The following UBE3A variants were observed in gnomAD, a reference collection of about 807,000 sequenced individuals.
UBE3A encodes ubiquitin protein ligase E3A, also known as ubiquitin-protein ligase E3A.
A neutral mutation model predicts 83.4 loss-of-function variants in UBE3A; 6 were observed. The ratio of observed to expected loss-of-function variants is 0.07; its 90% CI spans 0.04 to 0.14. UBE3A has a LOEUF of 0.14. UBE3A is among the 10% of genes least tolerant of loss of function. The pLI is 1.00. For missense variants in UBE3A, 456 were observed against 1,036.1 expected, an observed-to-expected ratio of 0.44 and a Z score of 7.69; for synonymous variants, 337 against 355.4, an observed-to-expected ratio of 0.95 and a Z score of 0.58.
chr15:25,375,394 A>T, intron 5 of UBE3A, 71 bp downstream of exon 5: 1 of 1,533,802 alleles, frequency 6.5e-7, no homozygotes, highest in Non-Finnish European at 8.8e-7. Flanking sequence ...AAAACAAATA[A>T]AAACTAATAC....
intron 1 of UBE3A, among the ~76,000 whole-genome samples, chr15:25,417,661 A>G (rs1423066724): frequency 6.6e-6 from 1 of 152,030 alleles, no homozygotes; most frequent in South Asian, 2.1e-4. Context: ...ATTATTTAAC[A>G]AGGGAGGAGA....
chr15:25,375,727 G>A lies in UBE3A; in HGVS notation c.99C>T (p.Tyr33=), dbSNP rs1229899623. 8 of 1,613,540 alleles carry A rather than the reference G, an allele frequency of 5.0e-6. No homozygotes were observed. Among genetic ancestry groups the A allele is most frequent in the Non-Finnish European group, 6.8e-6 (8 of 1,180,034 alleles). The change falls in exon 5 of 13, where the codon TAC becomes TAT. Residue 33 remains tyrosine (Y), a synonymous_variant. Transcript: ENST00000648336. ...RAAAKHLIER[Y]YHQLTEGCGN... is the part of the protein sequence containing the mutation. ...CACAGCCCTCAGTTAACTGGTGGTA[G>A]TAGCGTTCTATTAGATGCTTTGCAG...
Position 25,364,036 on chromosome 15 carries a change from T to TAAATA in UBE3A, c.1609-3510_1609-3509insTATTT, listed in dbSNP as rs1430435079. On this transcript the variant is annotated intron_variant, in intron 6 of 12. Transcript: ENST00000648336. ...ATGAAACCTTGTTTCTACAAAAAACTAATAAATAAATAAATAAATAAATAA... is the reference window on the plus strand; with the variant it reads ...ATGAAACCTTGTTTCTACAAAAAACTAAATAAATAAATAAATAAATAAATAAATAA... Among the ~76,000 whole-genome samples, 19 of 137,626 alleles carry TAAATA rather than the reference T, an allele frequency of 1.4e-4. No individual in the cohort carries two copies. The East Asian group carries it at 2.8e-3, about 20-fold the overall frequency. 90.3% of individuals were successfully genotyped at this position (137,626 alleles called of 152,430 possible).
intron 4 of UBE3A, among the ~76,000 whole-genome samples, chr15:25,394,288 C>T (rs1567047918): frequency 1.3e-5 from 2 of 152,102 alleles, no homozygotes; most frequent in Non-Finnish European, 1.5e-5. Flanking sequence ...GATACTGTCT[C>T]GATAACAGTG....
intron 4 of UBE3A, among the ~76,000 whole-genome samples, chr15:25,395,094 TCA>T (rs2085257347): frequency 6.6e-6 from 1 of 152,142 alleles, no homozygotes; most frequent in African/African-American, 2.4e-5. Context: ...ACATGGATTA[TCA>T]CAGAGAAGGG....
chr15:25,371,357 C>T lies in UBE3A; in HGVS notation c.817G>A (p.Val273Ile). Residue 273 changes from valine to isoleucine, a missense_variant, in exon 6 of 13, where the codon GTA (valine) becomes ATA (isoleucine). Physicochemically the swap from Val to Ile is conservative, Grantham distance 29. Around this residue, in one of 13 missense-constraint regions of UBE3A, gnomAD observed 40 missense variants for 124.8 expected, o/e 0.32. Transcript: ENST00000648336. This position sits in a 1 kb window ranked among gnomAD's most constrained non-coding sequence, Gnocchi z 5.3. The stretch of plus-strand genomic sequence containing the variant: ...AGATAATTAGGATCTCGAGAGTATA[C>T]ATTGTGATACGTCAAGTCACATTCC... ...NVECDLTYHNVYSRDPNYLNL... is the reference protein window; with the variant it reads ...NVECDLTYHNIYSRDPNYLNL... The T allele has an allele frequency of 6.2e-7, 1 of 1,614,070 alleles. No individual in the cohort carries two copies. Among genetic ancestry groups the T allele is most frequent in the Non-Finnish European group, 8.5e-7 (1 of 1,179,954 alleles).
At chr15:25,390,430 T>A (rs1248458101) in intron 4 of UBE3A, among the ~76,000 whole-genome samples, 1 of 152,052 alleles carries the variant, frequency 6.6e-6, no homozygotes, top group Non-Finnish European at 1.5e-5. Context: ...ATTCACAAAC[T>A]GTGATATGTC....
chr15:25,370,901 G>A lies in UBE3A; in HGVS notation c.1273C>T (p.Leu425=), dbSNP rs778060771. The part of the protein sequence containing the change: ...RNKKGPRVDP[L]ETELGVKTLD... ...GTTTTAACACCAAGTTCAGTTTCCA[G>A]GGGGTCCACTCGAGGACCTTTCTTG... is the stretch of plus-strand genomic sequence containing the variant. Residue 425 remains leucine, a synonymous_variant, in exon 6 of 13, where the codon CTG becomes TTG. Coordinates refer to ENST00000648336, the MANE Select transcript of UBE3A (RefSeq NM_130839.5). This position sits in a 1 kb window ranked among gnomAD's most constrained non-coding sequence, Gnocchi z 4.2. 4 of 1,614,028 alleles carry A rather than the reference G, an allele frequency of 2.5e-6. No homozygotes were observed. The Admixed American group carries it at 5.0e-5, about 20-fold the overall frequency.
At position 25,337,029 on chromosome 15, in the gene UBE3A, T is replaced by C. The variant is rs36117412; in HGVS notation, c.*2108A>G. 18,193 of 152,092 alleles carry C rather than the reference T, an allele frequency of 0.12. 1,163 individuals are homozygous for C. Among genetic ancestry groups the C allele is most frequent in the Middle Eastern group, 0.23 (68 of 294 alleles). The allele number at this position is 152,092 out of a possible 1,614,324, so 9.4% of individuals were successfully genotyped here. On this transcript the variant is annotated 3_prime_UTR_variant, in exon 13 of 13. Coordinates refer to ENST00000648336, the MANE Select transcript of UBE3A (RefSeq NM_130839.5). ...ACATGCCCGGCATAATTAAGCAAGCTAGAGCAGCTATTCTGTGCAACCGAC... is the reference window on the plus strand; with the variant it reads ...ACATGCCCGGCATAATTAAGCAAGCCAGAGCAGCTATTCTGTGCAACCGAC...
intron 1 of UBE3A, among the ~76,000 whole-genome samples, chr15:25,428,938 G>A (rs1479614364): frequency 6.6e-6 from 1 of 152,164 alleles, no homozygotes; most frequent in East Asian, 1.9e-4. Flanking sequence ...ATTTATAATA[G>A]CAAAAAGAAA....
At chr15:25,432,171 AGAGAGG>A (rs1291589302) in intron 1 of UBE3A, among the ~76,000 whole-genome samples, 1 of 152,234 alleles carries the variant, frequency 6.6e-6, no homozygotes, top group African/African-American at 2.4e-5. Context: ...CATGAGCTTT[AGAGAGG>A]GATTACAAGA....
chr15:25,405,106 G>A (rs899929955), intron 4 of UBE3A, among the ~76,000 whole-genome samples: 3 of 152,076 alleles, frequency 2.0e-5, no homozygotes, highest in African/African-American at 4.8e-5. Flanking sequence ...TAATTATTAC[G>A]CATCTCTGTA....
chr15:25,339,538 A>C (rs961894938), intron 12 of UBE3A: 1 of 307,612 alleles, frequency 3.3e-6, no homozygotes, highest in East Asian at 7.6e-5. Flanking sequence ...TCATTTAACT[A>C]AATCTTTCCA....
chr15:25,384,058 A>C (rs2082654168), intron 4 of UBE3A, among the ~76,000 whole-genome samples: 1 of 152,238 alleles, frequency 6.6e-6, no homozygotes, highest in East Asian at 1.9e-4. Flanking sequence ...AAAATGAAGA[A>C]TCCAAAAAGG....
intron 4 of UBE3A, among the ~76,000 whole-genome samples, chr15:25,396,403 C>G (rs2085578889): frequency 6.6e-6 from 1 of 151,974 alleles, no homozygotes; most frequent in East Asian, 1.9e-4. Context: ...GCCAAGAGTT[C>G]AAGACCAGCC....
intron 1 of UBE3A, chr15:25,418,104 C>G (rs1887846975): frequency 6.6e-6 from 1 of 151,984 alleles, no homozygotes; most frequent in South Asian, 2.1e-4. Flanking sequence ...ATACTGTAAG[C>G]AACTGTAACA....
At position 25,438,509 on chromosome 15, in the gene UBE3A, G is replaced by C. The variant is rs1363869648; in HGVS notation, c.-185C>G. ...CTGACCTGTCGTCGCCCCCGCGCCT[G>C]GGCTGCGGCGGCCGCCTCACTGGTC... On this transcript the variant is annotated 5_prime_UTR_variant, in exon 1 of 13. Transcript: ENST00000648336. The C allele has an allele frequency of 6.6e-6, 1 of 152,590 alleles. No homozygotes were observed. Among genetic ancestry groups the C allele is most frequent in the African/African-American group, 2.4e-5 (1 of 41,568 alleles). The allele number at this position is 152,590 out of a possible 1,614,324, so 9.5% of individuals were successfully genotyped here.
chr15:25,380,696 G>T (rs2082033261), intron 4 of UBE3A, among the ~76,000 whole-genome samples: 1 of 152,150 alleles, frequency 6.6e-6, no homozygotes, highest in South Asian at 2.1e-4. Flanking sequence ...AAAATTCCTA[G>T]AAGAGGAACA....
chr15:25,349,051 T>C (rs1240173225), intron 11 of UBE3A, among the ~76,000 whole-genome samples: 2 of 152,186 alleles, frequency 1.3e-5, no homozygotes, highest in African/African-American at 4.8e-5. Flanking sequence ...GCAGTAACCA[T>C]AACAGTGTCA....
Sources: allele counts gnomAD v4.1 joint callset (sites outside exome capture counted in the v4.1 genomes callset), GRCh38; gene constraint gnomAD v4.1.1; regional missense constraint gnomAD v4.1.1; non-coding constraint Gnocchi (gnomAD v3.1); transcripts MANE v1.5; gene names NCBI Gene and HGNC (gene_info 2026-07-23, HGNC 2026-07-21).